Variants in ANKS1B observed in about 807,000 individuals in gnomAD.
ANKS1B encodes ankyrin repeat and sterile alpha motif domain containing 1B.
A neutral mutation model predicts 148.3 loss-of-function variants in ANKS1B; 36 were observed. The observed-to-expected ratio is 0.24, with a 90% CI of 0.19 to 0.32. ANKS1B has a LOEUF of 0.32. Among genes scored for constraint, ANKS1B ranks in the 10% least tolerant of loss-of-function variants. The pLI, the probability that ANKS1B is intolerant of heterozygous loss-of-function variation, is 1.00. For missense variants in ANKS1B, 1,157 were observed against 1,542.6 expected (o/e 0.75, Z 4.19); for synonymous variants, 542 against 560.8 (o/e 0.97, Z 0.47).
At chr12:99,791,440 T>A (rs554201925) in intron 4 of ANKS1B, among the ~76,000 whole-genome samples, 1 of 151,848 alleles carries the variant, frequency 6.6e-6, no homozygotes, top group Non-Finnish European at 1.5e-5. Context: ...TTTTATCTGA[T>A]GGCTGCAAAA....
intron 14 of ANKS1B, among the ~76,000 whole-genome samples, chr12:99,234,949 C>T (rs1224777050): frequency 1.3e-5 from 2 of 152,190 alleles, no homozygotes; most frequent in African/African-American, 4.8e-5. Flanking sequence ...ATGGTACATG[C>T]CATGGTCAAT....
chr12:99,475,990 TTAAAA>T (rs1482030407), intron 10 of ANKS1B, among the ~76,000 whole-genome samples: 1 of 152,110 alleles, frequency 6.6e-6, no homozygotes, highest in Non-Finnish European at 1.5e-5. Context: ...AATAATAATC[TTAAAA>T]TAAATTATAG....
intron 8 of ANKS1B, among the ~76,000 whole-genome samples, chr12:99,718,768 C>A (rs1395988133): frequency 6.6e-6 from 1 of 152,186 alleles, no homozygotes; most frequent in Non-Finnish European, 1.5e-5. Flanking sequence ...CTTTACTATG[C>A]CTTTGCACCC....
intron 12 of ANKS1B, among the ~76,000 whole-genome samples, chr12:99,295,083 C>T (rs139277263): frequency 6.6e-5 from 10 of 152,130 alleles, no homozygotes; most frequent in Non-Finnish European, 1.0e-4. Context: ...ACATGCACTA[C>T]GTACCCATAA....
intron 14 of ANKS1B, among the ~76,000 whole-genome samples, chr12:99,186,232 G>T (rs1222115146): frequency 6.6e-6 from 1 of 152,176 alleles, no homozygotes; most frequent in Non-Finnish European, 1.5e-5. Context: ...AAAGGCAGCA[G>T]CCCCAGTCAG....
chr12:98,914,731 C>A (rs2152862574), intron 17 of ANKS1B, among the ~76,000 whole-genome samples: 1 of 152,204 alleles, frequency 6.6e-6, no homozygotes, highest in Non-Finnish European at 1.5e-5. Context: ...CCACCCTTCC[C>A]TTCCCCATCC....
At chr12:99,090,286 C>T (rs976252193) in intron 15 of ANKS1B, among the ~76,000 whole-genome samples, 5 of 152,058 alleles carry the variant, frequency 3.3e-5, no homozygotes, top group African/African-American at 1.2e-4. Context: ...AAACTTAATA[C>T]GATATCTTAT....
chr12:99,603,780 C>T (rs531736283), intron 9 of ANKS1B, among the ~76,000 whole-genome samples: 1 of 152,046 alleles, frequency 6.6e-6, no homozygotes, highest in African/African-American at 2.4e-5. Flanking sequence ...AGAAAATAAA[C>T]ATTTAAAATA....
At chr12:98,809,726 G>A (rs939393403) in intron 19 of ANKS1B, among the ~76,000 whole-genome samples, 10 of 152,050 alleles carry the variant, frequency 6.6e-5, no homozygotes, top group East Asian at 1.9e-4. Context: ...AAATAAAATC[G>A]TAAGCCCCCT....
chr12:99,218,989 A>G (rs959028585), intron 14 of ANKS1B, among the ~76,000 whole-genome samples: 2 of 152,206 alleles, frequency 1.3e-5, no homozygotes, highest in African/African-American at 2.4e-5. Flanking sequence ...TATTTAGCAG[A>G]ATTCCTCTAA....
chr12:99,186,420 C>G (rs2079865456), intron 14 of ANKS1B, among the ~76,000 whole-genome samples: 2 of 152,186 alleles, frequency 1.3e-5, no homozygotes, highest in African/African-American at 4.8e-5. Flanking sequence ...AAGTGGGTCC[C>G]TGACACCCAT....
intron 17 of ANKS1B, among the ~76,000 whole-genome samples, chr12:99,040,044 G>A (rs1369225073): frequency 1.3e-5 from 2 of 152,094 alleles, no homozygotes; most frequent in South Asian, 2.1e-4. Flanking sequence ...ATTTTTGGGG[G>A]GACTGCGGGA....
chr12:99,480,289 G>A lies in ANKS1B; in HGVS notation c.1438+24187C>T, dbSNP rs189812222. On this transcript the variant is annotated intron_variant, in intron 10 of 26. Coordinates refer to ENST00000683438, the MANE Select transcript of ANKS1B (RefSeq NM_001352186.2). The stretch of plus-strand genomic sequence containing the variant: ...AGCTTCAAACTTAGCTTCTTCATGT[G>A]TAGTGTGATATCAAGAAAATGTAGG... Among the ~76,000 whole-genome samples the A allele has an allele frequency of 4.7e-4, 71 of 151,908 alleles. 1 individual carries two copies. Among genetic ancestry groups the A allele is most frequent in the Admixed American group, 1.3e-4 (2 of 15,210 alleles).
At chr12:99,095,729 CAG>C (rs1459698689) in intron 15 of ANKS1B, among the ~76,000 whole-genome samples, 1 of 152,040 alleles carries the variant, frequency 6.6e-6, no homozygotes, top group African/African-American at 2.4e-5. Context: ...TTTAGGCAGA[CAG>C]GGGTATGATA....
At chr12:99,380,005 C>T (rs888981197) in intron 12 of ANKS1B, among the ~76,000 whole-genome samples, 8 of 152,154 alleles carry the variant, frequency 5.3e-5, no homozygotes, top group African/African-American at 1.9e-4. Context: ...TGGAGTAATC[C>T]TTATTTGTCT....
At chr12:98,985,204 T>C (rs2099922561) in intron 17 of ANKS1B, among the ~76,000 whole-genome samples, 2 of 152,224 alleles carry the variant, frequency 1.3e-5, no homozygotes, top group South Asian at 4.1e-4. Context: ...CCTCAACCTC[T>C]TGGGCTCAAG....
chr12:99,057,733 T>C (rs1455509789), intron 16 of ANKS1B, among the ~76,000 whole-genome samples: 1 of 149,762 alleles, frequency 6.7e-6, no homozygotes, highest in African/African-American at 2.4e-5. Context: ...GAAGTGTCAG[T>C]GTGGTGGTTA....
At chr12:98,845,389 G>A (rs73380458) in intron 17 of ANKS1B, among the ~76,000 whole-genome samples, 3,198 of 152,198 alleles carry the variant, frequency 0.021, 53 homozygotes, top group East Asian at 0.064. Context: ...TTTAATGGAC[G>A]TACCTAGCAC....
At chr12:99,191,079 C>T (rs1186706402) in intron 14 of ANKS1B, among the ~76,000 whole-genome samples, 1 of 151,782 alleles carries the variant, frequency 6.6e-6, no homozygotes, top group Non-Finnish European at 1.5e-5. Flanking sequence ...ATGTATGCAG[C>T]CAACAAACAT....
Sources: allele counts gnomAD v4.1 joint callset (sites outside exome capture counted in the v4.1 genomes callset), GRCh38; gene constraint gnomAD v4.1.1; transcripts MANE v1.5; gene names NCBI Gene and HGNC (gene_info 2026-07-23, HGNC 2026-07-21).